Variants in ANXA8 observed in about 807,000 individuals in gnomAD.
ANXA8 encodes annexin A8.
ANXA8 carries 9 observed loss-of-function variants against 26.8 expected under a neutral mutation model. The ratio of observed to expected loss-of-function variants is 0.34; its 90% CI spans 0.20 to 0.59. The LOEUF (loss-of-function observed/expected upper bound fraction) is 0.59, where lower values mean the gene tolerates loss of function less well. Among genes scored for constraint, ANXA8 ranks in the 20% least tolerant of loss-of-function variants. ANXA8 has a pLI of 0.84. For synonymous variants in ANXA8, 39 were observed against 94.8 expected (o/e 0.41, Z 3.42); for missense variants, 83 against 238.5 (o/e 0.35, Z 4.29).
At chr10:47,628,335 A>G in the ANXA8 span, among the ~76,000 whole-genome samples, 3 of 152,200 alleles carry the variant, frequency 2.0e-5, no homozygotes, top group East Asian at 1.9e-4. Flanking sequence ...GAATGGTACT[A>G]CATACATTAT....
the ANXA8 span, among the ~76,000 whole-genome samples, chr10:47,572,750 G>T: frequency 6.9e-6 from 1 of 145,838 alleles, no homozygotes; most frequent in Non-Finnish European, 1.5e-5. Context: ...AAAGAAGAAC[G>T]TATCTGTTAT....
At chr10:47,713,064 G>A in the ANXA8 span, among the ~76,000 whole-genome samples, 1 of 152,264 alleles carries the variant, frequency 6.6e-6, no homozygotes, top group Admixed American at 6.5e-5. Context: ...AAAGTGCTGG[G>A]ATTATAGGCA....
chr10:47,744,447 G>GGA, the ANXA8 span, among the ~76,000 whole-genome samples: 1 of 90,996 alleles, frequency 1.1e-5, no homozygotes, highest in African/African-American at 3.9e-5. Context: ...GAAGAGGGGG[G>GGA]GCCTTGCAGA....
At chr10:47,769,384 C>CT in the ANXA8 span, among the ~76,000 whole-genome samples, 1 of 148,956 alleles carries the variant, frequency 6.7e-6, no homozygotes, top group Admixed American at 6.6e-5. Flanking sequence ...ATGGCACCCT[C>CT]TCCAAGGGCA....
At chr10:47,501,684 G>A in the ANXA8 span, among the ~76,000 whole-genome samples, 1 of 140,118 alleles carries the variant, frequency 7.1e-6, no homozygotes, top group Non-Finnish European at 1.5e-5. Context: ...ACTCCAGCTG[G>A]GGCAACAGAG....
chr10:47,695,970 G>C, the ANXA8 span, among the ~76,000 whole-genome samples: 1 of 151,712 alleles, frequency 6.6e-6, no homozygotes, highest in Non-Finnish European at 1.5e-5. Context: ...TGTTAAGAAT[G>C]CCTTATATTC....
At chr10:47,683,030 C>T in the ANXA8 span, among the ~76,000 whole-genome samples, 6 of 152,108 alleles carry the variant, frequency 3.9e-5, no homozygotes, top group Non-Finnish European at 7.3e-5. Context: ...CAAAGAGAGT[C>T]GAGAAGTCAG....
At chr10:47,628,057 T>C in the ANXA8 span, among the ~76,000 whole-genome samples, 2 of 150,990 alleles carry the variant, frequency 1.3e-5, no homozygotes, top group Non-Finnish European at 3.0e-5. Flanking sequence ...TATGTATTTA[T>C]TCATGCATTT....
chr10:47,769,862 G>A, the ANXA8 span, among the ~76,000 whole-genome samples: 1 of 151,986 alleles, frequency 6.6e-6, no homozygotes, highest in African/African-American at 2.4e-5. Flanking sequence ...TCCTGAGACT[G>A]GGTAATTTAT....
chr10:47,989,388 C>T, the ANXA8 span, among the ~76,000 whole-genome samples: 15 of 119,898 alleles, frequency 1.3e-4, 1 homozygote, highest in East Asian at 3.0e-3. Flanking sequence ...CCCTGAGGAG[C>T]ATGCAGTCCC....
At chr10:47,716,546 G>A in the ANXA8 span, among the ~76,000 whole-genome samples, 1 of 120,520 alleles carries the variant, frequency 8.3e-6, no homozygotes, top group African/African-American at 3.7e-5. Context: ...GGAGAATACA[G>A]GCAGAAAACA....
chr10:47,969,286 G>GT, the ANXA8 span, among the ~76,000 whole-genome samples: 1 of 151,480 alleles, frequency 6.6e-6, no homozygotes, highest in Non-Finnish European at 1.5e-5. Context: ...AACGCAGGGT[G>GT]TATTGTACTC....
the ANXA8 span, among the ~76,000 whole-genome samples, chr10:47,743,378 A>ATGTGTGTGTGTGTGTG: frequency 1.7e-5 from 1 of 59,772 alleles, no homozygotes; most frequent in African/African-American, 5.6e-5. Context: ...ATACATATAT[A>ATGTGTGTGTGTGTGTG]TGTGTGTGTG....
chr10:47,959,409 C>T, the ANXA8 span, among the ~76,000 whole-genome samples: 1 of 149,278 alleles, frequency 6.7e-6, no homozygotes, highest in East Asian at 2.1e-4. Context: ...ACCACAAGGG[C>T]AGTCAGAGGA....
the ANXA8 span, among the ~76,000 whole-genome samples, chr10:47,495,018 A>C: frequency 6.6e-6 from 1 of 150,566 alleles, no homozygotes; most frequent in Non-Finnish European, 1.5e-5. Flanking sequence ...AGATGTGGCC[A>C]CTGCCAAACC....
chr10:47,718,165 T>A, the ANXA8 span, among the ~76,000 whole-genome samples: 3 of 152,196 alleles, frequency 2.0e-5, no homozygotes, highest in African/African-American at 7.2e-5. Flanking sequence ...AAAATCGAAA[T>A]TTTTTTTTTT....
the ANXA8 span, among the ~76,000 whole-genome samples, chr10:47,738,742 A>G: frequency 6.6e-6 from 1 of 151,966 alleles, no homozygotes; most frequent in Non-Finnish European, 1.5e-5. Context: ...ACACCTGGAT[A>G]ATTTTTGTAT....
the ANXA8 span, chr10:47,973,159 G>A: frequency 2.0e-5 from 3 of 150,414 alleles, no homozygotes; most frequent in South Asian, 4.2e-4. Context: ...CAGAAAGGAT[G>A]CTGCAAGGCC....
At chr10:47,566,926 A>AG in the ANXA8 span, among the ~76,000 whole-genome samples, 1 of 143,872 alleles carries the variant, frequency 7.0e-6, no homozygotes, top group East Asian at 2.0e-4. Context: ...GTCAGGCAGG[A>AG]GGGGGGCCTG....
Sources: allele counts gnomAD v4.1 joint callset (sites outside exome capture counted in the v4.1 genomes callset), GRCh38; gene constraint gnomAD v4.1.1; transcripts MANE v1.5; gene names NCBI Gene and HGNC (gene_info 2026-07-23, HGNC 2026-07-21).